Variants in DPY19L1 observed in about 807,000 individuals in gnomAD.
DPY19L1 encodes protein C-mannosyl-transferase DPY19L1.
DPY19L1 carries 35 observed loss-of-function variants against 96.9 expected under a neutral mutation model. The ratio of observed to expected loss-of-function variants is 0.36; its 90% CI spans 0.28 to 0.48. The LOEUF is 0.48. Among genes scored for constraint, DPY19L1 ranks in the 20% least tolerant of loss-of-function variants. The pLI is 0.99. For synonymous variants in DPY19L1, 205 were observed against 252.6 expected, an observed-to-expected ratio of 0.81 and a Z score of 1.79; for missense variants, 521 against 777.9, an observed-to-expected ratio of 0.67 and a Z score of 3.93.
intron 6 of DPY19L1, among the ~76,000 whole-genome samples, chr7:35,009,070 A>G (rs1349166420): frequency 6.6e-6 from 1 of 152,244 alleles, no homozygotes; most frequent in Non-Finnish European, 1.5e-5. Context: ...CTTAGACCTA[A>G]GTCAGAAATA....
chr7:34,981,625 C>T (rs887755012), intron 7 of DPY19L1, among the ~76,000 whole-genome samples: 1 of 152,170 alleles, frequency 6.6e-6, no homozygotes, highest in Non-Finnish European at 1.5e-5. Flanking sequence ...AAGCAAAGGA[C>T]ACAACATCAT....
At chr7:35,032,804 A>G (rs1786292455) in intron 1 of DPY19L1, among the ~76,000 whole-genome samples, 1 of 152,092 alleles carries the variant, frequency 6.6e-6, no homozygotes, top group South Asian at 2.1e-4. Flanking sequence ...CAAAGTATTC[A>G]TAACTCCTTC....
At chr7:34,952,087 T>A (rs1331889495) in intron 13 of DPY19L1, among the ~76,000 whole-genome samples, 9 of 146,594 alleles carry the variant, frequency 6.1e-5, no homozygotes, top group African/African-American at 2.3e-4. Context: ...AAAAAAACTT[T>A]CCTAAGTTGC....
chr7:34,930,229 A>G lies in DPY19L1; in HGVS notation c.*1344T>C, dbSNP rs540606802. On this transcript the variant is annotated 3_prime_UTR_variant, in exon 22 of 22. Transcript: ENST00000638088. ...CATAGTCACGCTTTGCTTAGAATTT[A>G]AAACCCTAAAACCTTTTCTCAGAGC... 1.2e-3 allele frequency: 189 copies of G among 152,350 alleles called. 1 individual carries two copies. Among genetic ancestry groups the G allele is most frequent in the African/African-American group, 4.4e-3 (183 of 41,590 alleles). 9.4% of individuals were successfully genotyped at this position (152,350 alleles called of 1,614,324 possible). A position where few individuals can be genotyped will look rare whatever the true frequency, so the allele number is the denominator to read the frequency against.
At chr7:35,005,820 A>G (rs1785541871) in intron 6 of DPY19L1, among the ~76,000 whole-genome samples, 1 of 151,976 alleles carries the variant, frequency 6.6e-6, no homozygotes, top group African/African-American at 2.4e-5. Context: ...CAAAAAAAAA[A>G]AAAGTTTTGT....
At chr7:35,023,637 T>C (rs1008433480) in intron 1 of DPY19L1, among the ~76,000 whole-genome samples, 2 of 152,140 alleles carry the variant, frequency 1.3e-5, no homozygotes, top group East Asian at 3.8e-4. Flanking sequence ...AATGAAAGAA[T>C]GGGCTTCTAA....
Position 34,959,910 on chromosome 7 carries a change from TATATATATATATATTTA to T in DPY19L1, c.1093-1857_1093-1841del, listed in dbSNP as rs1784459797. Among the ~76,000 whole-genome samples the T allele has an allele frequency of 8.1e-4, 16 of 19,642 alleles. No homozygotes were observed. In the Admixed American group the frequency reaches 0.01, roughly 13 times the overall value. The allele number at this position is 19,642 out of a possible 152,430, so 12.9% of individuals were successfully genotyped here. A position where few individuals can be genotyped will look rare whatever the true frequency, so the allele number is the denominator to read the frequency against. ...TTATTTGTATATAAATATATATATA[TATATATATATATATTTA>T]TATATATATATATATATATAAAAGA... On this transcript the variant is annotated intron_variant, in intron 10 of 21. Coordinates refer to ENST00000638088, the MANE Select transcript of DPY19L1 (RefSeq NM_001366673.1).
chr7:35,010,316 G>A, intron 6 of DPY19L1, 152 bp downstream of exon 6: 1 of 550,928 alleles, frequency 1.8e-6, no homozygotes, highest in Non-Finnish European at 3.2e-6. Context: ...CCATGGCAGT[G>A]GTGAAATCAT....
chr7:35,032,703 C>G (rs1786290041), intron 1 of DPY19L1, among the ~76,000 whole-genome samples: 1 of 152,044 alleles, frequency 6.6e-6, no homozygotes, highest in Admixed American at 6.6e-5. Context: ...TGACCTTTTC[C>G]TTCAAACCCA....
rs58385351 is a variant in DPY19L1 at position 35,017,518 on chromosome 7, A to AAAAAAAAC, written c.411+363_411+364insGTTTTTTT. ...CTCCGTCTCAAAAAAAAAAAAAAAAAAAAATTAGCCGGGCATGGTGGCAGG... is the reference window on the plus strand; with the variant it reads ...CTCCGTCTCAAAAAAAAAAAAAAAAAAAAAAAACAAAATTAGCCGGGCATGGTGGCAGG... On this transcript the variant is annotated intron_variant, in intron 3 of 21. Coordinates refer to ENST00000638088, the MANE Select transcript of DPY19L1 (RefSeq NM_001366673.1). Among the ~76,000 whole-genome samples the AAAAAAAAC allele has an allele frequency of 4.3e-4, 39 of 91,302 alleles. 6 individuals are homozygous for AAAAAAAAC. Among genetic ancestry groups the AAAAAAAAC allele is most frequent in the Non-Finnish European group, 6.7e-4 (28 of 41,556 alleles). 59.9% of individuals were successfully genotyped at this position (91,302 alleles called of 152,430 possible). A position where few individuals can be genotyped will look rare whatever the true frequency, so the allele number is the denominator to read the frequency against.
At chr7:34,955,232 T>C (rs1784352898) in intron 12 of DPY19L1, 76 bp downstream of exon 12, 1 of 1,535,218 alleles carries the variant, frequency 6.5e-7, no homozygotes, top group South Asian at 1.2e-5. Flanking sequence ...GATCATTTTC[T>C]TAAAAGTAAA....
Position 34,938,015 on chromosome 7 carries a change from G to T in DPY19L1, c.2069C>A (p.Ser690Ter). Residue 690 changes from serine to a stop codon, truncating the protein, a stop_gained, in exon 21 of 22, where the codon TCA (serine) becomes TAA (stop). Coordinates refer to ENST00000638088, the MANE Select transcript of DPY19L1 (RefSeq NM_001366673.1). LOFTEE classifies it high-confidence loss of function. The part of the protein sequence containing the change: ...LKVNYYILEE[S>*]WCVRRSKPGC... The stretch of plus-strand genomic sequence containing the variant: ...TCACTTGGATCTTCTTACACACCAT[G>T]ACTCTTCTAGAATGTAATAGTTCAC... The T allele has an allele frequency of 3.7e-6, 6 of 1,613,682 alleles. No individual in the cohort carries two copies. Among genetic ancestry groups the T allele is most frequent in the Non-Finnish European group, 5.1e-6 (6 of 1,179,870 alleles).
At chr7:34,991,286 G>A (rs1289269359) in intron 6 of DPY19L1, among the ~76,000 whole-genome samples, 1 of 152,210 alleles carries the variant, frequency 6.6e-6, no homozygotes. Flanking sequence ...TGAGGCTGCA[G>A]AACACAAATC....
intron 13 of DPY19L1, among the ~76,000 whole-genome samples, chr7:34,951,287 A>G (rs1304514856): frequency 6.6e-6 from 1 of 152,084 alleles, no homozygotes; most frequent in Non-Finnish European, 1.5e-5. Context: ...AGGTGAATAC[A>G]ATCAATTAGC....
intron 1 of DPY19L1, among the ~76,000 whole-genome samples, chr7:35,027,799 T>A (rs537912699): frequency 2.6e-5 from 4 of 151,842 alleles, no homozygotes; most frequent in South Asian, 2.1e-4. Context: ...AATTGCGCCA[T>A]TGCACTCCAG....
intron 3 of DPY19L1, among the ~76,000 whole-genome samples, chr7:35,017,572 T>C (rs1785889106): frequency 6.9e-6 from 1 of 145,930 alleles, no homozygotes; most frequent in East Asian, 2.0e-4. Context: ...CTCAGGAGGC[T>C]GAGGCAGGAG....
intron 7 of DPY19L1, among the ~76,000 whole-genome samples, chr7:34,974,987 A>C (rs1784801877): frequency 6.6e-6 from 1 of 152,148 alleles, no homozygotes. Context: ...AACTTAATGG[A>C]TAAATGTGTG....
chr7:34,934,554 C>T (rs2128779851), intron 21 of DPY19L1, among the ~76,000 whole-genome samples: 1 of 152,278 alleles, frequency 6.6e-6, no homozygotes, highest in East Asian at 1.9e-4. Context: ...CAAACTAAAC[C>T]TCTAGAGCAG....
intron 21 of DPY19L1, among the ~76,000 whole-genome samples, chr7:34,934,121 G>A (rs899272609): frequency 2.6e-5 from 4 of 151,924 alleles, no homozygotes; most frequent in Non-Finnish European, 4.4e-5. Flanking sequence ...CCACCACCAC[G>A]CCCAGCTAAG....
Sources: gnomAD v4.1 joint callset for allele counts (sites outside exome capture counted in the v4.1 genomes callset) on GRCh38, gnomAD v4.1.1 for gene constraint, MANE v1.5 for transcripts, NCBI Gene and HGNC (gene_info 2026-07-23, HGNC 2026-07-21) for gene names.